KCNAB1: variants seen among roughly 807,000 people sequenced by gnomAD.
The protein encoded by KCNAB1 is voltage-gated potassium channel subunit beta-1.
A neutral mutation model predicts 64.6 loss-of-function variants in KCNAB1; 35 were observed. The ratio of observed to expected loss-of-function variants is 0.54; its 90% confidence interval spans 0.41 to 0.72. KCNAB1 has a LOEUF of 0.72. Ranked by LOEUF, KCNAB1 falls within the 30% of genes least tolerant of loss-of-function variation. The pLI, the probability that KCNAB1 is intolerant of heterozygous loss-of-function variation, is 0.00. For missense variants in KCNAB1, 401 were observed against 512.9 expected (o/e 0.78, Z 2.11); for synonymous variants, 177 against 183.8 (o/e 0.96, Z 0.30).
rs529410969 is a variant in KCNAB1 at position 156,474,434 on chromosome 3, A to T, written c.572-300A>T. ...GGAAAGAAGCTGCTTTTTATTCTAA[A>T]TTTTGCTTCTGGATATTGCCACATA... On this transcript the variant is annotated intron_variant, in intron 7 of 13. Transcript: ENST00000490337. Among the ~76,000 whole-genome samples, 4 of 152,262 alleles carry T rather than the reference A, an allele frequency of 2.6e-5. No individual in the cohort carries two copies. The South Asian group carries it at 8.3e-4, about 32-fold the overall frequency.
At chr3:156,444,805 C>G (rs1355783280) in intron 2 of KCNAB1, among the ~76,000 whole-genome samples, 1 of 152,178 alleles carries the variant, frequency 6.6e-6, no homozygotes, top group Non-Finnish European at 1.5e-5. Flanking sequence ...ATGTAGCTTC[C>G]CTCTCTTATT....
intron 1 of KCNAB1, among the ~76,000 whole-genome samples, chr3:156,294,146 G>A (rs1720635513): frequency 6.6e-6 from 1 of 152,218 alleles, no homozygotes; most frequent in Admixed American, 6.5e-5. Flanking sequence ...TGGTGGCACA[G>A]CTCAACTCAT....
chr3:156,203,992 T>A (rs1714498336), intron 1 of KCNAB1, among the ~76,000 whole-genome samples: 1 of 152,196 alleles, frequency 6.6e-6, no homozygotes, highest in South Asian at 2.1e-4. Context: ...TTGCTGGGAC[T>A]GCAGATAGGT....
rs1159352986 is a variant in KCNAB1, at chr3:156,287,349, CAA to C, written c.276-134249_276-134248del. Among the ~76,000 whole-genome samples the C allele has an allele frequency of 2.6e-3, 204 of 77,836 alleles. 2 individuals carry two copies. The Middle Eastern group carries it at 0.037, about 14-fold the overall frequency. The allele number at this position is 77,836 out of a possible 152,430, so 51.1% of individuals were successfully genotyped here. On this transcript the variant is annotated intron_variant, in intron 1 of 13. Coordinates refer to ENST00000490337, the MANE Select transcript of KCNAB1 (RefSeq NM_172160.3). The stretch of plus-strand genomic sequence containing the variant: ...CCGTGCAATGTTGCAACCTCCGTAT[CAA>C]AAAAAAAAAAAAAAAAACTACCCCA...
intron 1 of KCNAB1, among the ~76,000 whole-genome samples, chr3:156,263,392 T>A (rs1371939194): frequency 6.6e-6 from 1 of 152,068 alleles, no homozygotes; most frequent in African/African-American, 2.4e-5. Flanking sequence ...AATGGTTTAT[T>A]TAGAATAGTC....
intron 1 of KCNAB1, among the ~76,000 whole-genome samples, chr3:156,378,003 G>GA (rs1199870000): frequency 6.6e-6 from 1 of 152,114 alleles, no homozygotes; most frequent in African/African-American, 2.4e-5. Context: ...GCATGGGGAG[G>GA]AGCCCGCCTG....
chr3:156,348,012 G>T (rs1414452901), intron 1 of KCNAB1, among the ~76,000 whole-genome samples: 1 of 152,106 alleles, frequency 6.6e-6, no homozygotes, highest in East Asian at 1.9e-4. Context: ...GGGAGAACAG[G>T]ACACACAGGG....
intron 1 of KCNAB1, among the ~76,000 whole-genome samples, chr3:156,272,569 G>A (rs1271884892): frequency 2.0e-5 from 3 of 151,966 alleles, no homozygotes; most frequent in Non-Finnish European, 4.4e-5. Context: ...TGCTTGTGGT[G>A]AATGCTGCCA....
intron 5 of KCNAB1, chr3:156,460,291 C>T (rs1171725080): frequency 6.1e-6 from 1 of 164,802 alleles, no homozygotes; most frequent in African/African-American, 2.4e-5. Flanking sequence ...AACAAGAAGA[C>T]TTTGGGATAA....
At chr3:156,257,484 G>A (rs944461429) in intron 1 of KCNAB1, among the ~76,000 whole-genome samples, 5 of 152,082 alleles carry the variant, frequency 3.3e-5, no homozygotes, top group African/African-American at 1.2e-4. Flanking sequence ...AGGGATCCGG[G>A]GTGCTTTGCC....
chr3:156,165,493 G>A (rs1382621739), intron 1 of KCNAB1, among the ~76,000 whole-genome samples: 2 of 152,032 alleles, frequency 1.3e-5, no homozygotes, highest in African/African-American at 4.8e-5. Flanking sequence ...AGAAGAGGGA[G>A]GCAGAGCTTA....
At chr3:156,526,225 C>A (rs1182191729) in intron 12 of KCNAB1, among the ~76,000 whole-genome samples, 3 of 152,182 alleles carry the variant, frequency 2.0e-5, no homozygotes, top group Non-Finnish European at 4.4e-5. Context: ...GTAGGCTATA[C>A]CAACTAGGTT....
rs145311651 is a variant in KCNAB1 at position 156,142,223 on chromosome 3, G to A, written c.275+21337G>A. 6.8e-3 allele frequency among the ~76,000 whole-genome samples: 1,040 copies of A among 152,204 alleles called. 12 individuals are homozygous for A. Among genetic ancestry groups the A allele is most frequent in the South Asian group, 0.017 (81 of 4,814 alleles). ...ATTTGCTTTTTAAAATCCCCTTCAC[G>A]TGGTATTTCATAGAGCAGAAGTTGT... is the stretch of plus-strand genomic sequence containing the variant. On this transcript the variant is annotated intron_variant, in intron 1 of 13. Coordinates refer to ENST00000490337, the MANE Select transcript of KCNAB1 (RefSeq NM_172160.3).
intron 5 of KCNAB1, among the ~76,000 whole-genome samples, chr3:156,463,064 T>C (rs946708462): frequency 6.6e-6 from 1 of 152,172 alleles, no homozygotes; most frequent in Admixed American, 6.5e-5. Context: ...TTCCATTTAA[T>C]AAGACACTCA....
intron 3 of KCNAB1, chr3:156,453,208 T>C (rs1368648255): frequency 3.3e-6 from 1 of 299,828 alleles, no homozygotes; most frequent in Non-Finnish European, 6.1e-6. Context: ...AGTCACTTTA[T>C]GAAAAGATTG....
chr3:156,430,132 A>C (rs1217714034), intron 2 of KCNAB1, among the ~76,000 whole-genome samples: 1 of 152,266 alleles, frequency 6.6e-6, no homozygotes, highest in Non-Finnish European at 1.5e-5. Context: ...TTGCCTTCTG[A>C]ATCAGCAGGG....
intron 1 of KCNAB1, among the ~76,000 whole-genome samples, chr3:156,134,471 G>A (rs1714187761): frequency 6.6e-6 from 1 of 152,156 alleles, no homozygotes; most frequent in African/African-American, 2.4e-5. Flanking sequence ...ATGAATTGAG[G>A]TACTCAACCA....
chr3:156,202,834 A>G (rs966237671), intron 1 of KCNAB1, among the ~76,000 whole-genome samples: 1 of 152,226 alleles, frequency 6.6e-6, no homozygotes, highest in Non-Finnish European at 1.5e-5. Context: ...TTAGATTACT[A>G]CTAATAACAG....
intron 7 of KCNAB1, among the ~76,000 whole-genome samples, chr3:156,474,091 C>A (rs997373054): frequency 3.9e-5 from 6 of 152,036 alleles, no homozygotes; most frequent in African/African-American, 1.5e-4. Context: ...ATAGCATTAG[C>A]GTCCAGTGTT....
Sources: allele counts gnomAD v4.1 joint callset (sites outside exome capture counted in the v4.1 genomes callset), GRCh38; gene constraint gnomAD v4.1.1; transcripts MANE v1.5; gene names NCBI Gene and HGNC (gene_info 2026-07-23, HGNC 2026-07-21).